The following SOX11 variants were observed in gnomAD, a reference collection of about 807,000 sequenced individuals.
SOX11 encodes SRY-box transcription factor 11, also known as transcription factor SOX-11.
Under a neutral mutation model 16.7 loss-of-function variants are expected in SOX11, and 5 were observed. The ratio of observed to expected loss-of-function variants is 0.30; its 90% CI spans 0.16 to 0.63. The LOEUF (loss-of-function observed/expected upper bound fraction) is 0.63. Ranked by LOEUF, SOX11 falls within the 20% of genes least tolerant of loss-of-function variation. The pLI is 0.82. For synonymous variants in SOX11, 363 were observed against 298.8 expected (o/e 1.21, Z -2.22); for missense variants, 492 against 641.5 (o/e 0.77, Z 2.52).
chr2:5,692,684 A>G lies in SOX11; in HGVS notation c.-38A>G, dbSNP rs556574997. On this transcript the variant is annotated 5_prime_UTR_variant, in exon 1 of 1. Transcript: ENST00000322002. ...GGAGGGGGACCTCCGCACGAGACCC[A>G]GCGGCCCGGGTTGGAGCGTCCAGCC... 2.7e-6 allele frequency: 4 copies of G among 1,509,116 alleles called. No homozygotes were observed. The highest frequency in any genetic ancestry group is 2.1e-5 in the Admixed American group (1 of 48,578). 93.5% of individuals were successfully genotyped at this position (1,509,116 alleles called of 1,614,324 possible).
At position 5,693,752 on chromosome 2, in the gene SOX11, CCAGCAGCAGCGG is replaced by C. The variant is rs751221446; in HGVS notation, c.1051_1062del (p.Ser351_Ser354del). On this transcript the variant is annotated inframe_deletion, in exon 1 of 1. Transcript: ENST00000322002. The surrounding 1 kb of genome is among the most constrained non-coding windows in gnomAD (Gnocchi z 8.6). ...TCGCGCTCGGTGTCCACCTCCTCGT[CCAGCAGCAGCGG>C]CAGCAGCAGCGGCAGCAGCGGCGAG... The C allele has an allele frequency of 3.4e-4, 547 of 1,587,460 alleles. 2 individuals are homozygous for C. In the Middle Eastern group the frequency reaches 6.6e-3, roughly 19 times the overall value.
chr2:5,695,488 ATAAAG>A lies in SOX11; in HGVS notation c.*1444_*1448del, dbSNP rs1665712188. 1 of 166,724 alleles carries A rather than the reference ATAAAG, an allele frequency of 6.0e-6. No homozygotes were observed. The highest frequency in any genetic ancestry group is 6.6e-5 in the Admixed American group (1 of 15,248). 10.3% of individuals were successfully genotyped at this position (166,724 alleles called of 1,614,324 possible). A position where few individuals can be genotyped will look rare whatever the true frequency, so the allele number is the denominator to read the frequency against. On this transcript the variant is annotated 3_prime_UTR_variant, in exon 1 of 1. Transcript: ENST00000322002. ...TCTCATTTTGTGCAATATAATCTAA[ATAAAG>A]TACAGACCATCTGCATATTTTGTAG...
Position 5,693,429 on chromosome 2 carries a change from G to A in SOX11, c.708G>A (p.Gln236=), listed in dbSNP as rs749061576. Residue 236 remains glutamine, a synonymous_variant, in exon 1 of 1, where the codon CAG becomes CAA. Transcript: ENST00000322002. The surrounding 1 kb of genome is among the most constrained non-coding windows in gnomAD (Gnocchi z 8.6). ...ACGACGACGACGACGACGAGCTGCA[G>A]CTGCAGATCAAACAGGAGCCGGACG... is the stretch of plus-strand genomic sequence containing the variant. ...DDDDDDDDEL[Q]LQIKQEPDEE... 3.1e-6 allele frequency: 5 copies of A among 1,591,858 alleles called. No homozygotes were observed. The highest frequency in any genetic ancestry group is 4.2e-6 in the Non-Finnish European group (5 of 1,177,278).
Position 5,697,568 on chromosome 2 carries a change from A to G in SOX11, c.*3521A>G, listed in dbSNP as rs1665761540. On this transcript the variant is annotated 3_prime_UTR_variant, in exon 1 of 1. Coordinates refer to ENST00000322002, the MANE Select transcript of SOX11 (RefSeq NM_003108.4). ...CGAAGCCAGCAAGCTTTTGCTGCAG[A>G]TGGACAGGTTTCTTTTCTGTGGCTT... 1 of 166,260 alleles carries G rather than the reference A, an allele frequency of 6.0e-6. No individual in the cohort carries two copies. The allele number at this position is 166,260 out of a possible 1,614,324, so 10.3% of individuals were successfully genotyped here. A position where few individuals can be genotyped will look rare whatever the true frequency, so the allele number is the denominator to read the frequency against.
rs1665705578 is a variant in SOX11, at chr2:5,695,092, T to C, written c.*1045T>C. On this transcript the variant is annotated 3_prime_UTR_variant, in exon 1 of 1. Coordinates refer to ENST00000322002, the MANE Select transcript of SOX11 (RefSeq NM_003108.4). ...CTTTCAGGCACTTCTTCCCTTTTGA[T>C]TTCTTTTTTTTCCTCTGTTTTTTAG... is the stretch of plus-strand genomic sequence containing the variant. 6.0e-6 allele frequency: 1 copy of C among 166,786 alleles called. No individual in the cohort carries two copies. Among genetic ancestry groups the C allele is most frequent in the Non-Finnish European group, 1.5e-5 (1 of 67,988 alleles). The allele number at this position is 166,786 out of a possible 1,614,324, so 10.3% of individuals were successfully genotyped here. A position where few individuals can be genotyped will look rare whatever the true frequency, so the allele number is the denominator to read the frequency against.
In SOX11 at chr2:5,692,523, C is replaced by T. The variant is rs963354395; in HGVS notation, c.-199C>T. On this transcript the variant is annotated 5_prime_UTR_variant, in exon 1 of 1. Coordinates refer to ENST00000322002, the MANE Select transcript of SOX11 (RefSeq NM_003108.4). ...GTCGCGACCGCAGCTCCCACCGCGC[C>T]GGCGGCCGTCGTCGCCGAAGCCACC... 2.2e-6 allele frequency: 1 copy of T among 448,084 alleles called. No individual in the cohort carries two copies. The highest frequency in any genetic ancestry group is 3.7e-6 in the Non-Finnish European group (1 of 269,908). 27.8% of individuals were successfully genotyped at this position (448,084 alleles called of 1,614,324 possible).
chr2:5,693,706 C>A lies in SOX11; in HGVS notation c.985C>A (p.Pro329Thr), dbSNP rs1665679688. The A allele has an allele frequency of 6.3e-7, 1 of 1,599,816 alleles. No individual in the cohort carries two copies. The change falls in exon 1 of 1, where the codon CCC becomes ACC. Residue 329 changes from proline to threonine, a missense_variant. By Grantham distance (38) the Pro-to-Thr change is conservative (BLOSUM62 -1). Around this residue, in one of 4 missense-constraint regions of SOX11, gnomAD observed 389 missense variants for 389.0 expected, o/e 1.00. Coordinates refer to ENST00000322002, the MANE Select transcript of SOX11 (RefSeq NM_003108.4). This position sits in a 1 kb window ranked among gnomAD's most constrained non-coding sequence, Gnocchi z 8.6. ...GCAGCACCCGCCGCCGCTCGCGCAGCCCGCGCTGTCGCCCGCGTCCTCGCG... is the reference window on the plus strand; with the variant it reads ...GCAGCACCCGCCGCCGCTCGCGCAGACCGCGCTGTCGCCCGCGTCCTCGCG... ...TKQHPPPLAQ[P>T]ALSPASSRSV...
chr2:5,695,728 G>A lies in SOX11; in HGVS notation c.*1681G>A, dbSNP rs1665716542. ...TGGTGAGGCTGTTGTGTGCGCGGAT[G>A]AGGGGAGGTGGCAGGAGAGAATTCT... On this transcript the variant is annotated 3_prime_UTR_variant, in exon 1 of 1. Coordinates refer to ENST00000322002, the MANE Select transcript of SOX11 (RefSeq NM_003108.4). 1 of 167,320 alleles carries A rather than the reference G, an allele frequency of 6.0e-6. No homozygotes were observed. The highest frequency in any genetic ancestry group is 6.5e-5 in the Admixed American group (1 of 15,286). The allele number at this position is 167,320 out of a possible 1,614,324, so 10.4% of individuals were successfully genotyped here. A position where few individuals can be genotyped will look rare whatever the true frequency, so the allele number is the denominator to read the frequency against.
rs1665776093 is a variant in SOX11, at chr2:5,698,230, C to T, written c.*4183C>T. 1 of 167,046 alleles carries T rather than the reference C, an allele frequency of 6.0e-6. No homozygotes were observed. The highest frequency in any genetic ancestry group is 1.5e-5 in the Non-Finnish European group (1 of 68,114). 10.3% of individuals were successfully genotyped at this position (167,046 alleles called of 1,614,324 possible). A position where few individuals can be genotyped will look rare whatever the true frequency, so the allele number is the denominator to read the frequency against. ...TGAGTGTCTAAAACATAGTATAATA[C>T]ACATGGTATTCTTGCCACTGGATAG... On this transcript the variant is annotated 3_prime_UTR_variant, in exon 1 of 1. Transcript: ENST00000322002.
At position 5,693,871 on chromosome 2, in the gene SOX11, G is replaced by C. The variant is rs1665683552; in HGVS notation, c.1150G>C (p.Gly384Arg). 1 of 1,551,350 alleles carries C rather than the reference G, an allele frequency of 6.4e-7. No individual in the cohort carries two copies. The highest frequency in any genetic ancestry group is 8.7e-7 in the Non-Finnish European group (1 of 1,146,992). ...CGCCAGCGAGCAGCAGCTGGGGGGC[G>C]GCGCGGCGGCCGGGAACCTGTCCCT... ...HSASEQQLGG[G>R]AAAGNLSLSL... is the part of the protein sequence containing the mutation. The change falls in exon 1 of 1, where the codon GGC becomes CGC. Residue 384 changes from glycine (G) to arginine (R), a missense_variant. This residue lies in a region of SOX11 where 31 missense variants were observed against 78.3 expected (regional missense o/e 0.40). Transcript: ENST00000322002. This position sits in a 1 kb window ranked among gnomAD's most constrained non-coding sequence, Gnocchi z 8.6.
chr2:5,694,084 CAG>C lies in SOX11; in HGVS notation c.*40_*41del. 6.6e-7 allele frequency: 1 copy of C among 1,522,552 alleles called. No individual in the cohort carries two copies. Among genetic ancestry groups the C allele is most frequent in the South Asian group, 1.2e-5 (1 of 81,104 alleles). The allele number at this position is 1,522,552 out of a possible 1,614,324, so 94.3% of individuals were successfully genotyped here. ...TGCTCGCTCTTTCTCTCGGAGGGTG[CAG>C]AGCTGGGTTCCTTGGGAGGAAGTTG... On this transcript the variant is annotated 3_prime_UTR_variant, in exon 1 of 1. Coordinates refer to ENST00000322002, the MANE Select transcript of SOX11 (RefSeq NM_003108.4).
Position 5,693,473 on chromosome 2 carries a change from C to A in SOX11, c.752C>A (p.Pro251Gln), listed in dbSNP as rs1313818654. The A allele has an allele frequency of 1.3e-6, 2 of 1,587,372 alleles. No homozygotes were observed. Among genetic ancestry groups the A allele is most frequent in the Non-Finnish European group, 1.7e-6 (2 of 1,174,792 alleles). ...QEPDEEDEEP[P>Q]HQQLLQPPGQ... is the part of the protein sequence containing the mutation. ...CCGGACGAGGAGGACGAGGAACCAC[C>A]GCACCAGCAGCTCCTGCAGCCGCCG... The change falls in exon 1 of 1, where the codon CCG (proline) becomes CAG (glutamine). Residue 251 changes from proline to glutamine, a missense_variant. Physicochemically the swap from Pro to Gln is moderately conservative, Grantham distance 76. Around this residue, in one of 4 missense-constraint regions of SOX11, gnomAD observed 389 missense variants for 389.0 expected, o/e 1.00. Transcript: ENST00000322002. This position sits in a 1 kb window ranked among gnomAD's most constrained non-coding sequence, Gnocchi z 8.6.
rs1665725737 is a variant in SOX11 at position 5,696,256 on chromosome 2, CGGTGAAG to C, written c.*2212_*2218del. On this transcript the variant is annotated 3_prime_UTR_variant, in exon 1 of 1. Transcript: ENST00000322002. ...CGCCGCCGCAGTGTTTGACCTCTAG[CGGTGAAG>C]GGGGAAGGGGAAGAGGAAAGGAGAG... The C allele has an allele frequency of 6.0e-6, 1 of 167,478 alleles. No homozygotes were observed. Among genetic ancestry groups the C allele is most frequent in the African/African-American group, 2.4e-5 (1 of 41,458 alleles). The allele number at this position is 167,478 out of a possible 1,614,324, so 10.4% of individuals were successfully genotyped here.
At position 5,693,752 on chromosome 2, in the gene SOX11, C is replaced by T. The variant is rs1003926124; in HGVS notation, c.1031C>T (p.Ser344Phe). The T allele has an allele frequency of 1.0e-5, 16 of 1,587,474 alleles. No individual in the cohort carries two copies. Among genetic ancestry groups the T allele is most frequent in the Non-Finnish European group, 1.3e-5 (15 of 1,169,140 alleles). ...TCGCGCTCGGTGTCCACCTCCTCGT[C>T]CAGCAGCAGCGGCAGCAGCAGCGGC... ...ASSRSVSTSS[S>F]SSSGSSSGSS... The change falls in exon 1 of 1, where the codon TCC becomes TTC. Residue 344 changes from serine to phenylalanine, a missense_variant. By Grantham distance (155) the Ser-to-Phe change is radical. Coordinates refer to ENST00000322002, the MANE Select transcript of SOX11 (RefSeq NM_003108.4). This position sits in a 1 kb window ranked among gnomAD's most constrained non-coding sequence, Gnocchi z 8.6.
At position 5,698,279 on chromosome 2, in the gene SOX11, T is replaced by A. The variant is rs973865393; in HGVS notation, c.*4232T>A. The A allele has an allele frequency of 1.8e-5, 3 of 166,942 alleles. No homozygotes were observed. The highest frequency in any genetic ancestry group is 2.9e-5 in the Non-Finnish European group (2 of 68,094). The allele number at this position is 166,942 out of a possible 1,614,324, so 10.3% of individuals were successfully genotyped here. Reference sequence around the variant, plus strand: ...AGTCTTCAATAAAAGTTTAATTGATTTTTTTTTGTTGGTCTCTTAAGTAAG... The same window carrying A: ...AGTCTTCAATAAAAGTTTAATTGATATTTTTTTGTTGGTCTCTTAAGTAAG... On this transcript the variant is annotated 3_prime_UTR_variant, in exon 1 of 1. Coordinates refer to ENST00000322002, the MANE Select transcript of SOX11 (RefSeq NM_003108.4).
Position 5,692,763 on chromosome 2 carries a change from G to A in SOX11, c.42G>A (p.Leu14=), listed in dbSNP as rs1474098462. ...QAESLEAESN[L]PREALDTEEG... ...AGAGCTTGGAAGCGGAGAGCAACCT[G>A]CCCCGGGAGGCGCTGGACACGGAGG... is the stretch of plus-strand genomic sequence containing the variant. The change falls in exon 1 of 1, where the codon CTG becomes CTA. Residue 14 remains leucine, a synonymous_variant. Coordinates refer to ENST00000322002, the MANE Select transcript of SOX11 (RefSeq NM_003108.4). The A allele has an allele frequency of 6.2e-7, 1 of 1,609,488 alleles. No homozygotes were observed. Among genetic ancestry groups the A allele is most frequent in the Admixed American group, 1.7e-5 (1 of 59,850 alleles).
chr2:5,692,580 C>CG lies in SOX11; in HGVS notation c.-135dup, dbSNP rs1167244284. 9 of 472,952 alleles carry CG rather than the reference C, an allele frequency of 1.9e-5. No homozygotes were observed. The highest frequency in any genetic ancestry group is 7.0e-5 in the African/African-American group (1 of 14,352). 29.3% of individuals were successfully genotyped at this position (472,952 alleles called of 1,614,324 possible). A position where few individuals can be genotyped will look rare whatever the true frequency, so the allele number is the denominator to read the frequency against. On this transcript the variant is annotated 5_prime_UTR_variant, in exon 1 of 1. Coordinates refer to ENST00000322002, the MANE Select transcript of SOX11 (RefSeq NM_003108.4). ...GCTGTGTGCAGCCTGGAAGGGGGGG[C>CG]GGGGGGGAGGGGGGGAGCCGCGAAA...
In SOX11 at chr2:5,693,443, A is replaced by T; in HGVS notation, c.722A>T (p.Gln241Leu). 1 of 1,591,524 alleles carries T rather than the reference A, an allele frequency of 6.3e-7. No homozygotes were observed. The highest frequency in any genetic ancestry group is 8.5e-7 in the Non-Finnish European group (1 of 1,177,008). The stretch of plus-strand genomic sequence containing the variant: ...GACGAGCTGCAGCTGCAGATCAAAC[A>T]GGAGCCGGACGAGGAGGACGAGGAA... ...DDDELQLQIK[Q>L]EPDEEDEEPP... is the part of the protein sequence containing the mutation. The change falls in exon 1 of 1, where the codon CAG (glutamine) becomes CTG (leucine). Residue 241 changes from glutamine (Q) to leucine (L), a missense_variant. By Grantham distance (113) the Gln-to-Leu change is moderately radical (BLOSUM62 -2). Around this residue, in one of 4 missense-constraint regions of SOX11, gnomAD observed 389 missense variants for 389.0 expected, o/e 1.00. Transcript: ENST00000322002. The surrounding 1 kb of genome is among the most constrained non-coding windows in gnomAD (Gnocchi z 8.6).
Position 5,694,300 on chromosome 2 carries a change from G to A in SOX11, c.*253G>A. Reference sequence around the variant, plus strand: ...TGAGTAGTTTTTAAACATTTTTCCTGTCCTTTTTTTGTCCCCCCTCCCTTC... The same window carrying A: ...TGAGTAGTTTTTAAACATTTTTCCTATCCTTTTTTTGTCCCCCCTCCCTTC... On this transcript the variant is annotated 3_prime_UTR_variant, in exon 1 of 1. Transcript: ENST00000322002. 2.0e-6 allele frequency: 1 copy of A among 496,708 alleles called. No individual in the cohort carries two copies. The highest frequency in any genetic ancestry group is 3.6e-6 in the Non-Finnish European group (1 of 281,400). The allele number at this position is 496,708 out of a possible 1,614,324, so 30.8% of individuals were successfully genotyped here.
Sources: gnomAD v4.1 joint callset for allele counts on GRCh38, gnomAD v4.1.1 for gene constraint, gnomAD v4.1.1 regional missense constraint, Gnocchi (gnomAD v3.1) non-coding constraint, MANE v1.5 for transcripts, NCBI Gene and HGNC (gene_info 2026-07-23, HGNC 2026-07-21) for gene names.